Variants in CCDC69 observed in about 807,000 individuals in gnomAD.
CCDC69 encodes the protein coiled-coil domain containing 69, also known as coiled-coil domain-containing protein 69.
CCDC69 carries 38 observed loss-of-function variants against 40.3 expected under a neutral mutation model. The observed-to-expected ratio is 0.94, with a 90% CI of 0.73 to 1.24. The LOEUF (loss-of-function observed/expected upper bound fraction) is 1.24. Ranked by LOEUF, CCDC69 falls within the 50% of genes most tolerant of loss-of-function variation. CCDC69 has a pLI of 0.00. For missense variants in CCDC69, 389 were observed against 357.9 expected (o/e 1.09, Z -0.70); for synonymous variants, 141 against 138.9 (o/e 1.02, Z -0.11).
chr5:151,218,670 T>C (rs1025548591), intron 1 of CCDC69, among the ~76,000 whole-genome samples: 1 of 152,218 alleles, frequency 6.6e-6, no homozygotes, highest in Non-Finnish European at 1.5e-5. Flanking sequence ...TTGATTTATA[T>C]AGCAGCCTGT....
rs115638482 is a variant in CCDC69, at chr5:151,218,112, G to T, written c.48+5811C>A. Reference sequence around the variant, plus strand: ...GTATAGTACAGTGTTTGGCCTAGATGTTCTGGAAGGTTCAGATTTGAAAAT... The same window carrying T: ...GTATAGTACAGTGTTTGGCCTAGATTTTCTGGAAGGTTCAGATTTGAAAAT... On this transcript the variant is annotated intron_variant, in intron 1 of 8. Coordinates refer to ENST00000355417, the MANE Select transcript of CCDC69 (RefSeq NM_015621.3). Among the ~76,000 whole-genome samples the T allele has an allele frequency of 2.9e-3, 438 of 152,304 alleles. 1 individual carries two copies. Among genetic ancestry groups the T allele is most frequent in the African/African-American group, 0.01 (416 of 41,562 alleles).
chr5:151,221,121 T>G (rs1001875609), intron 1 of CCDC69, among the ~76,000 whole-genome samples: 3 of 152,146 alleles, frequency 2.0e-5, no homozygotes, highest in Admixed American at 1.3e-4. Context: ...GCCAGGCCTC[T>G]CAGGGTGGTC....
Position 151,216,136 on chromosome 5 carries a change from T to C in CCDC69, c.48+7787A>G, listed in dbSNP as rs192395096. ...ACCATGCCCAGCTAATTTTTGTATT[T>C]TTAGTAGAGACAGGGTTTTACCATG... is the stretch of plus-strand genomic sequence containing the variant. On this transcript the variant is annotated intron_variant, in intron 1 of 8. Transcript: ENST00000355417. 2.1e-3 allele frequency among the ~76,000 whole-genome samples: 316 copies of C among 152,280 alleles called. 2 individuals are homozygous for C. The highest frequency in any genetic ancestry group is 7.0e-3 in the African/African-American group (292 of 41,564).
chr5:151,200,326 C>T (rs1752759381), intron 3 of CCDC69, among the ~76,000 whole-genome samples: 1 of 151,808 alleles, frequency 6.6e-6, no homozygotes, highest in Admixed American at 6.6e-5. Flanking sequence ...TTTGTAGAGA[C>T]GGTGGTCTCG....
At chr5:151,207,905 A>AAAGG in intron 1 of CCDC69, among the ~76,000 whole-genome samples, 1 of 152,220 alleles carries the variant, frequency 6.6e-6, no homozygotes, top group South Asian at 2.1e-4. Context: ...AGGAAGGAAA[A>AAAGG]AAGGAAGGAA....
intron 4 of CCDC69, among the ~76,000 whole-genome samples, chr5:151,198,291 G>GATCTATCTATCTATCTATCCATCTATCT (rs1554089406): frequency 4.2e-5 from 6 of 141,718 alleles, no homozygotes; most frequent in African/African-American, 1.5e-4. Flanking sequence ...GAATGAGATT[G>GATCTATCTATCTATCTATCCATCTATCT]ATCTATCTAT....
rs144589701 is a variant in CCDC69 at position 151,216,008 on chromosome 5, G to T, written c.48+7915C>A. Among the ~76,000 whole-genome samples the T allele has an allele frequency of 4.5e-3, 679 of 152,336 alleles. 8 individuals carry two copies. The highest frequency in any genetic ancestry group is 0.014 in the African/African-American group (601 of 41,570). ...TATTTCTTTTCTGTCACCCAGGCTG[G>T]AGTGCAGTGGTGTATTCTTGGCTCA... On this transcript the variant is annotated intron_variant, in intron 1 of 8. Transcript: ENST00000355417.
chr5:151,220,697 A>T (rs1433545467), intron 1 of CCDC69, among the ~76,000 whole-genome samples: 1 of 152,124 alleles, frequency 6.6e-6, no homozygotes, highest in African/African-American at 2.4e-5. Context: ...CTATAGCCAC[A>T]GCCTTCGGGA....
chr5:151,184,309 G>A, intron 8 of CCDC69, 35 bp downstream of exon 8: 1 of 1,528,610 alleles, frequency 6.5e-7, no homozygotes, highest in Non-Finnish European at 9.1e-7. Context: ...CAAAAAGGGT[G>A]GGGATGGGAG....
intron 4 of CCDC69, among the ~76,000 whole-genome samples, chr5:151,192,026 C>T (rs1752619464): frequency 6.8e-6 from 1 of 146,652 alleles, no homozygotes; most frequent in South Asian, 2.2e-4. Context: ...TTGAGGCTGC[C>T]CTGAGCTATG....
intron 1 of CCDC69, among the ~76,000 whole-genome samples, chr5:151,213,356 C>T (rs576724531): frequency 1.3e-5 from 2 of 152,238 alleles, no homozygotes; most frequent in South Asian, 4.1e-4. Context: ...ACGCCATTCT[C>T]CTGTCTCAGC....
intron 1 of CCDC69, among the ~76,000 whole-genome samples, chr5:151,209,180 T>C (rs1163223124): frequency 1.3e-5 from 2 of 152,252 alleles, no homozygotes; most frequent in Non-Finnish European, 2.9e-5. Flanking sequence ...GGATTTCTCA[T>C]GAGGCTCTTT....
intron 7 of CCDC69, chr5:151,185,189 C>A (rs1307947926): frequency 1.3e-5 from 6 of 449,248 alleles, no homozygotes; most frequent in Non-Finnish European, 2.5e-5. Flanking sequence ...GTCACCCAAG[C>A]TACAGCAACA....
At chr5:151,196,503 G>A (rs999667670) in intron 4 of CCDC69, among the ~76,000 whole-genome samples, 2 of 151,968 alleles carry the variant, frequency 1.3e-5, no homozygotes, top group Admixed American at 6.6e-5. Context: ...AAGGCCATGC[G>A]AATACTCATG....
Position 151,186,100 on chromosome 5 carries a change from G to A in CCDC69, c.418C>T (p.Gln140Ter). The change falls in exon 6 of 9, where the codon CAG (glutamine) becomes TAG (stop). Residue 140 changes from glutamine to a stop codon, truncating the protein, a stop_gained. Coordinates refer to ENST00000355417, the MANE Select transcript of CCDC69 (RefSeq NM_015621.3). LOFTEE classifies it high-confidence loss of function. ...QQETIDRLTS[Q>*]LEAFQAKMKR... ...ATTTTGGCCTGGAAAGCCTCCAGCT[G>A]TGAGGTCAGTCTGTCTATGGTCTCC... The A allele has an allele frequency of 6.2e-7, 1 of 1,613,748 alleles. No homozygotes were observed. Among genetic ancestry groups the A allele is most frequent in the Non-Finnish European group, 8.5e-7 (1 of 1,179,668 alleles).
chr5:151,213,855 G>A (rs943652185), intron 1 of CCDC69, among the ~76,000 whole-genome samples: 1 of 152,190 alleles, frequency 6.6e-6, no homozygotes, highest in Admixed American at 6.5e-5. Flanking sequence ...AGTTCACCCA[G>A]CTCCTCCGTG....
chr5:151,184,197 A>T (rs1319054823), intron 8 of CCDC69, 147 bp downstream of exon 8: 3 of 631,564 alleles, frequency 4.8e-6, no homozygotes, highest in African/African-American at 1.8e-5. Flanking sequence ...GGGTTTCTTG[A>T]CTCCCAGGGA....
At chr5:151,202,551 C>T (rs982112799) in intron 2 of CCDC69, among the ~76,000 whole-genome samples, 2 of 152,158 alleles carry the variant, frequency 1.3e-5, no homozygotes, top group Non-Finnish European at 2.9e-5. Flanking sequence ...TAGGGCTCTG[C>T]AGTTGGCTAT....
At chr5:151,219,477 T>G (rs182927245) in intron 1 of CCDC69, among the ~76,000 whole-genome samples, 3 of 152,048 alleles carry the variant, frequency 2.0e-5, no homozygotes. Context: ...GAACCACGCG[T>G]CCAAACCGGT....
Sources: gnomAD v4.1 joint callset for allele counts (sites outside exome capture counted in the v4.1 genomes callset) on GRCh38, gnomAD v4.1.1 for gene constraint, MANE v1.5 for transcripts, NCBI Gene and HGNC (gene_info 2026-07-23, HGNC 2026-07-21) for gene names.